The following RFX4 variants were observed in gnomAD, a reference collection of about 807,000 sequenced individuals.
RFX4 encodes the protein transcription factor RFX4.
RFX4 carries 10 observed loss-of-function variants against 95.0 expected under a neutral mutation model. The ratio of observed to expected loss-of-function variants is 0.11; its 90% CI spans 0.06 to 0.18. The LOEUF (loss-of-function observed/expected upper bound fraction) is 0.18. RFX4 is among the 10% of genes least tolerant of loss of function. The pLI is 1.00. For synonymous variants in RFX4, 321 were observed against 340.7 expected (o/e 0.94, Z 0.64); for missense variants, 640 against 922.0 (o/e 0.69, Z 3.96).
chr12:106,735,458 A>G (rs914992349), intron 15 of RFX4, among the ~76,000 whole-genome samples: 1 of 152,134 alleles, frequency 6.6e-6, no homozygotes, highest in Non-Finnish European at 1.5e-5. Flanking sequence ...GGAAAAAAAA[A>G]TTACCTCTAA....
chr12:106,759,548 T>A (rs1360789936), intron 17 of RFX4, among the ~76,000 whole-genome samples: 1 of 152,178 alleles, frequency 6.6e-6, no homozygotes, highest in South Asian at 2.1e-4. Context: ...TTTAGAGAGG[T>A]TCCTGTGCTA....
At chr12:106,731,879 T>C (rs972218434) in intron 13 of RFX4, among the ~76,000 whole-genome samples, 11 of 152,174 alleles carry the variant, frequency 7.2e-5, no homozygotes, top group African/African-American at 2.7e-4. Flanking sequence ...CATACTGATA[T>C]AACTTCAGCA....
At chr12:106,621,715 T>C (rs2040188872) in intron 2 of RFX4, among the ~76,000 whole-genome samples, 1 of 152,232 alleles carries the variant, frequency 6.6e-6, no homozygotes. Context: ...AGATATTAGC[T>C]ACTCTGTCAT....
At chr12:106,732,346 A>G in intron 14 of RFX4, 97 bp downstream of exon 14, 2 of 1,506,966 alleles carry the variant, frequency 1.3e-6, no homozygotes, top group Non-Finnish European at 1.8e-6. Flanking sequence ...ATCTCAAAGA[A>G]TTTAGTTATG....
chr12:106,727,993 T>G (rs1237131649), intron 13 of RFX4, among the ~76,000 whole-genome samples: 1 of 152,138 alleles, frequency 6.6e-6, no homozygotes, highest in African/African-American at 2.4e-5. Context: ...AACATACACA[T>G]TCACACAATT....
chr12:106,684,235 C>T (rs1592935570), intron 5 of RFX4, among the ~76,000 whole-genome samples: 1 of 152,114 alleles, frequency 6.6e-6, no homozygotes, highest in African/African-American at 2.4e-5. Context: ...GGCATGGTGG[C>T]ACGTCCCTTT....
intron 7 of RFX4, 68 bp downstream of exon 7, chr12:106,689,432 A>C (rs574084971): frequency 1.5e-5 from 20 of 1,294,030 alleles, no homozygotes; most frequent in Admixed American, 1.7e-5. Flanking sequence ...CTCCTATTTC[A>C]TGAGCTCCTG....
chr12:106,710,420 G>A (rs2042170560), intron 9 of RFX4, among the ~76,000 whole-genome samples: 2 of 152,084 alleles, frequency 1.3e-5, no homozygotes, highest in Admixed American at 1.3e-4. Context: ...AGTAATTAAG[G>A]AGAAGGATTA....
intron 2 of RFX4, among the ~76,000 whole-genome samples, chr12:106,628,347 A>G (rs2040346337): frequency 6.6e-6 from 1 of 152,202 alleles, no homozygotes; most frequent in Non-Finnish European, 1.5e-5. Flanking sequence ...GTATCTCACC[A>G]GCACTTAACA....
At chr12:106,628,978 C>T (rs950418487) in intron 2 of RFX4, among the ~76,000 whole-genome samples, 3 of 151,980 alleles carry the variant, frequency 2.0e-5, no homozygotes, top group Admixed American at 6.6e-5. Context: ...AGGCTGGTCT[C>T]GAATTCCTTA....
chr12:106,671,112 A>G (rs1472000374), intron 4 of RFX4, among the ~76,000 whole-genome samples: 1 of 151,954 alleles, frequency 6.6e-6, no homozygotes, highest in Non-Finnish European at 1.5e-5. Flanking sequence ...AAGACCCACA[A>G]CTCTCATTTT....
chr12:106,751,572 A>C (rs932668547), intron 17 of RFX4, among the ~76,000 whole-genome samples: 8 of 144,960 alleles, frequency 5.5e-5, no homozygotes, highest in Non-Finnish European at 1.2e-4. Context: ...AAGTGTTCCT[A>C]TTTCTCCACA....
chr12:106,697,456 T>TTA (rs1186351215), intron 8 of RFX4, among the ~76,000 whole-genome samples: 1 of 151,994 alleles, frequency 6.6e-6, no homozygotes, highest in Non-Finnish European at 1.5e-5. Flanking sequence ...TTTTTTTTTT[T>TTA]TTTAACATGG....
chr12:106,645,435 C>A (rs1464028725), intron 3 of RFX4, among the ~76,000 whole-genome samples: 1 of 151,812 alleles, frequency 6.6e-6, no homozygotes, highest in Non-Finnish European at 1.5e-5. Context: ...TCCCTTCCAG[C>A]AATTTACTGA....
chr12:106,687,739 A>C (rs1456871902), intron 6 of RFX4, among the ~76,000 whole-genome samples: 1 of 152,050 alleles, frequency 6.6e-6, no homozygotes, highest in African/African-American at 2.4e-5. Flanking sequence ...ACTATTCTAA[A>C]ATAAAATTTG....
intron 2 of RFX4, among the ~76,000 whole-genome samples, chr12:106,626,312 G>C (rs1467964633): frequency 6.6e-6 from 1 of 152,208 alleles, no homozygotes; most frequent in Non-Finnish European, 1.5e-5. Flanking sequence ...AGGCATCTTG[G>C]AGGAGGTGAC....
chr12:106,606,077 C>A (rs1291243205), intron 1 of RFX4, among the ~76,000 whole-genome samples: 1 of 152,170 alleles, frequency 6.6e-6, no homozygotes, highest in African/African-American at 2.4e-5. Context: ...TTAATAGAAC[C>A]AGCTTCTCTC....
At chr12:106,696,567 T>C in intron 8 of RFX4, 121 bp downstream of exon 8, 1 of 969,094 alleles carries the variant, frequency 1.0e-6, no homozygotes, top group Non-Finnish European at 1.4e-6. Context: ...ACCATTAATA[T>C]TGAACTTTTA....
chr12:106,677,044 A>G (rs996287666), intron 4 of RFX4, among the ~76,000 whole-genome samples: 1 of 152,138 alleles, frequency 6.6e-6, no homozygotes, highest in African/African-American at 2.4e-5. Flanking sequence ...TTACTCATCT[A>G]TACTGAGGGA....
Sources: allele counts gnomAD v4.1 joint callset (sites outside exome capture counted in the v4.1 genomes callset), GRCh38; gene constraint gnomAD v4.1.1; transcripts MANE v1.5; gene names NCBI Gene and HGNC (gene_info 2026-07-23, HGNC 2026-07-21).